The following HDAC9 variants were observed in gnomAD, a reference collection of about 807,000 sequenced individuals.
The protein encoded by HDAC9 is histone deacetylase 9, also known as MEF-2 interacting transcription repressor (MITR) protein.
Under a neutral mutation model 139.4 loss-of-function variants are expected in HDAC9, and 41 were observed. That is an observed-to-expected ratio of 0.29 (90% CI 0.23 to 0.38). HDAC9 has a LOEUF of 0.38. HDAC9 is among the 10% of genes least tolerant of loss of function. HDAC9 has a pLI of 1.00. For missense variants in HDAC9, 1,147 were observed against 1,297.0 expected, an observed-to-expected ratio of 0.88 and a Z score of 1.78; for synonymous variants, 517 against 476.2, an observed-to-expected ratio of 1.09 and a Z score of -1.12.
chr7:18,946,075 G>C (rs201993916), intron 23 of HDAC9, among the ~76,000 whole-genome samples: 1 of 55,742 alleles, frequency 1.8e-5, no homozygotes. Flanking sequence ...AAAAAAAAAA[G>C]ACCATCCATT....
chr7:18,992,210 C>T (rs1786037596), intron 25 of HDAC9, among the ~76,000 whole-genome samples: 1 of 152,174 alleles, frequency 6.6e-6, no homozygotes, highest in Admixed American at 6.5e-5. Flanking sequence ...AAGTTCACTA[C>T]AGCTTTATTC....
chr7:18,115,870 C>T (rs1562635949), intron 1 of HDAC9, among the ~76,000 whole-genome samples: 1 of 152,230 alleles, frequency 6.6e-6, no homozygotes. Context: ...GTAGCTGTCT[C>T]AATTTTTTGC....
intron 24 of HDAC9, among the ~76,000 whole-genome samples, chr7:18,969,240 G>C (rs763336416): frequency 6.6e-5 from 10 of 152,206 alleles, no homozygotes; most frequent in Middle Eastern, 3.4e-3. Context: ...GGAATAGTTT[G>C]CATTAGCCGG....
chr7:18,334,585 A>G (rs1292913030), intron 1 of HDAC9, among the ~76,000 whole-genome samples: 5 of 151,496 alleles, frequency 3.3e-5, no homozygotes. Context: ...AAATCACGTA[A>G]CTTTTCCAGT....
intron 12 of HDAC9, among the ~76,000 whole-genome samples, chr7:18,671,928 T>C (rs1372352830): frequency 1.3e-5 from 2 of 152,094 alleles, no homozygotes; most frequent in Non-Finnish European, 2.9e-5. Context: ...TATTCCCTTG[T>C]ATGGCTATAC....
intron 1 of HDAC9, among the ~76,000 whole-genome samples, chr7:18,296,629 A>G (rs138144281): frequency 6.6e-6 from 1 of 152,320 alleles, no homozygotes; most frequent in Admixed American, 6.5e-5. Context: ...CGAAGTATGA[A>G]ATTAGTTTTT....
intron 1 of HDAC9, among the ~76,000 whole-genome samples, chr7:18,156,119 C>T (rs1474667625): frequency 1.3e-5 from 2 of 152,170 alleles, no homozygotes; most frequent in African/African-American, 4.8e-5. Flanking sequence ...CCATGTTCCC[C>T]TGTCTTCATG....
intron 2 of HDAC9, among the ~76,000 whole-genome samples, chr7:18,229,147 A>G (rs2128181973): frequency 6.6e-6 from 1 of 152,340 alleles, no homozygotes; most frequent in Non-Finnish European, 1.5e-5. Context: ...TCATACATAA[A>G]CCTGTATCTA....
intron 6 of HDAC9, among the ~76,000 whole-genome samples, chr7:18,625,295 G>A (rs1160866551): frequency 6.6e-6 from 1 of 151,948 alleles, no homozygotes; most frequent in Non-Finnish European, 1.5e-5. Context: ...CCCTTCTCCA[G>A]CTTCTTTGGG....
chr7:18,978,559 G>A (rs992060728), intron 25 of HDAC9, among the ~76,000 whole-genome samples: 1 of 151,776 alleles, frequency 6.6e-6, no homozygotes, highest in Non-Finnish European at 1.5e-5. Context: ...CAAAAGACTT[G>A]ATCAAAAAAA....
At chr7:18,993,163 G>A (rs1049997199) in intron 25 of HDAC9, among the ~76,000 whole-genome samples, 2 of 152,198 alleles carry the variant, frequency 1.3e-5, no homozygotes, top group African/African-American at 4.8e-5. Flanking sequence ...TGAAGATAAT[G>A]CCACCTCTAC....
chr7:18,179,310 C>T (rs564570234), intron 2 of HDAC9, among the ~76,000 whole-genome samples: 1 of 152,326 alleles, frequency 6.6e-6, no homozygotes, highest in South Asian at 2.1e-4. Flanking sequence ...TAGTTGATTG[C>T]AAACTCTCTG....
intron 12 of HDAC9, among the ~76,000 whole-genome samples, chr7:18,686,152 A>G (rs1269595652): frequency 1.3e-5 from 2 of 151,992 alleles, no homozygotes; most frequent in African/African-American, 4.8e-5. Context: ...GTGGTGATAC[A>G]GTAACAGACA....
chr7:18,284,707 G>C (rs1016372857), intron 2 of HDAC9, among the ~76,000 whole-genome samples: 1 of 152,016 alleles, frequency 6.6e-6, no homozygotes, highest in Non-Finnish European at 1.5e-5. Flanking sequence ...TTAACCTTTA[G>C]GGTTGTTGTG....
intron 16 of HDAC9, among the ~76,000 whole-genome samples, chr7:18,782,049 G>T (rs1791285365): frequency 2.0e-5 from 3 of 152,082 alleles, no homozygotes; most frequent in Admixed American, 2.0e-4. Flanking sequence ...TCTGGTGTCT[G>T]TCAATAGGTT....
chr7:18,186,405 G>T (rs747639095), intron 2 of HDAC9, among the ~76,000 whole-genome samples: 1 of 152,266 alleles, frequency 6.6e-6, no homozygotes, highest in African/African-American at 2.4e-5. Flanking sequence ...GGCATGTGCC[G>T]CTGGCACCGG....
intron 6 of HDAC9, among the ~76,000 whole-genome samples, chr7:18,629,053 A>G (rs1781519889): frequency 6.6e-6 from 1 of 152,178 alleles, no homozygotes; most frequent in Non-Finnish European, 1.5e-5. Context: ...TAAACTTCCC[A>G]TTAACAATCC....
intron 2 of HDAC9, among the ~76,000 whole-genome samples, chr7:18,229,708 G>A (rs1390879775): frequency 6.6e-6 from 1 of 152,046 alleles, no homozygotes; most frequent in Non-Finnish European, 1.5e-5. Context: ...TGCCCTCTGA[G>A]GATATTTTAC....
At position 18,648,561 on chromosome 7, in the gene HDAC9, C is replaced by T; in HGVS notation, c.1345C>T (p.Leu449=). ...GTHKLPRHRP[L]NRTQSAPLPQ... ...CCACAAATTGCCCCGTCACAGACCCCTGAACCGAACCCAGTCTGCACCTTT... is the reference window on the plus strand; with the variant it reads ...CCACAAATTGCCCCGTCACAGACCCTTGAACCGAACCCAGTCTGCACCTTT... Residue 449 remains leucine, a synonymous_variant, in exon 11 of 26, where the codon CTG becomes TTG. Coordinates refer to ENST00000686413, the MANE Select transcript of HDAC9 (RefSeq NM_178425.4). 1 of 1,613,648 alleles carries T rather than the reference C, an allele frequency of 6.2e-7. No individual in the cohort carries two copies. The highest frequency in any genetic ancestry group is 1.1e-5 in the South Asian group (1 of 91,080).
Sources: gnomAD v4.1 joint callset for allele counts (sites outside exome capture counted in the v4.1 genomes callset) on GRCh38, gnomAD v4.1.1 for gene constraint, MANE v1.5 for transcripts, NCBI Gene and HGNC (gene_info 2026-07-23, HGNC 2026-07-21) for gene names.